DIS3L2: variants seen among roughly 807,000 people sequenced by gnomAD.
The protein encoded by DIS3L2 is DIS3 like 3'-5' exoribonuclease 2, also known as DIS3-like exonuclease 2.
A neutral mutation model predicts 97.5 loss-of-function variants in DIS3L2; 34 were observed. The ratio of observed to expected loss-of-function variants is 0.35; its 90% CI spans 0.27 to 0.46. The LOEUF is 0.46. Ranked by LOEUF, DIS3L2 falls within the 20% of genes least tolerant of loss-of-function variation. The probability of loss-of-function intolerance (pLI) is 1.00; values close to 1 mark genes in which losing one functional copy is unlikely to be tolerated. For synonymous variants in DIS3L2, 435 were observed against 445.2 expected (o/e 0.98, Z 0.29); for missense variants, 1,038 against 1,146.0 (o/e 0.91, Z 1.36).
intron 6 of DIS3L2, among the ~76,000 whole-genome samples, chr2:232,089,853 CT>C (rs1696784822): frequency 6.6e-6 from 1 of 152,154 alleles, no homozygotes; most frequent in South Asian, 2.1e-4. Flanking sequence ...TAACGGTTTA[CT>C]TTGCTGGCAT....
At chr2:232,157,944 C>T (rs908292134) in intron 8 of DIS3L2, among the ~76,000 whole-genome samples, 2 of 152,190 alleles carry the variant, frequency 1.3e-5, no homozygotes, top group Non-Finnish European at 2.9e-5. Context: ...TCATGGAGCA[C>T]AAATAGTTAT....
At chr2:232,136,400 C>A in intron 7 of DIS3L2, 72 bp from the exon 8 acceptor site, 1 of 1,561,140 alleles carries the variant, frequency 6.4e-7, no homozygotes, top group South Asian at 1.2e-5. Context: ...CAAATTATAA[C>A]CTGCTGACCT....
In DIS3L2 at chr2:232,333,932, G is replaced by A. The variant is rs766200831; in HGVS notation, c.2103G>A (p.Ser701=). The A allele has an allele frequency of 2.2e-5, 35 of 1,612,672 alleles. No individual in the cohort carries two copies. The highest frequency in any genetic ancestry group is 2.2e-5 in the Non-Finnish European group (26 of 1,179,912). The change falls in exon 17 of 21, where the codon TCG becomes TCA. Residue 701 remains serine, a synonymous_variant. Coordinates refer to ENST00000325385, the MANE Select transcript of DIS3L2 (RefSeq NM_152383.5). ...LNVPLYTHFT[S]PIRRFADVLV... ...TGCCCCTGTACACACACTTCACCTC[G>A]CCCATCCGCCGCTTTGCCGACGTCC...
intron 9 of DIS3L2, among the ~76,000 whole-genome samples, chr2:232,198,106 C>T (rs1691802699): frequency 6.6e-6 from 1 of 152,028 alleles, no homozygotes; most frequent in African/African-American, 2.4e-5. Context: ...GTTCTGTGAC[C>T]TTGGGCTTCT....
chr2:232,022,784 A>G (rs1199327436), intron 3 of DIS3L2, among the ~76,000 whole-genome samples: 4 of 152,178 alleles, frequency 2.6e-5, no homozygotes, highest in Non-Finnish European at 5.9e-5. Flanking sequence ...TCGTTAGGAA[A>G]TATTTGTTGA....
At position 232,335,841 on chromosome 2, in the gene DIS3L2, G is replaced by A. The variant is rs1465158382; in HGVS notation, c.2463G>A (p.Glu821=). 1.3e-6 allele frequency: 2 copies of A among 1,550,896 alleles called. No individual in the cohort carries two copies. Among genetic ancestry groups the A allele is most frequent in the Middle Eastern group, 1.7e-4 (1 of 5,900 alleles). ...AGCCGGAACTCACGCTGGTCTGGGA[G>A]CCTGAGGACATGGAGCAGGAGCCAG... The part of the protein sequence containing the change: ...GKKPELTLVW[E]PEDMEQEPAQ... The change falls in exon 20 of 21, where the codon GAG becomes GAA. Residue 821 remains glutamate, a synonymous_variant. Transcript: ENST00000325385.
intron 10 of DIS3L2, among the ~76,000 whole-genome samples, chr2:232,231,249 T>C (rs1692783844): frequency 6.6e-6 from 1 of 152,152 alleles, no homozygotes; most frequent in Admixed American, 6.5e-5. Flanking sequence ...TAGTAAGTAT[T>C]TGTTGTGTGG....
chr2:232,158,648 A>G (rs1690567338), intron 8 of DIS3L2, among the ~76,000 whole-genome samples: 1 of 151,988 alleles, frequency 6.6e-6, no homozygotes, highest in Admixed American at 6.6e-5. Context: ...GCCCTTTGAT[A>G]TCCTTTCAAG....
chr2:232,091,008 G>A (rs1696820229), intron 6 of DIS3L2, among the ~76,000 whole-genome samples: 1 of 152,156 alleles, frequency 6.6e-6, no homozygotes. Flanking sequence ...ACACAGGTCT[G>A]CATTATCCCC....
chr2:231,993,863 G>A (rs1693652662), intron 1 of DIS3L2, among the ~76,000 whole-genome samples: 2 of 150,420 alleles, frequency 1.3e-5, no homozygotes, highest in African/African-American at 4.9e-5. Context: ...CTATGTCAAT[G>A]ACAGGTTCTA....
At chr2:232,262,917 A>G (rs577519737) in intron 12 of DIS3L2, among the ~76,000 whole-genome samples, 5 of 152,196 alleles carry the variant, frequency 3.3e-5, no homozygotes, top group Non-Finnish European at 4.4e-5. Flanking sequence ...GAAACTAATG[A>G]AAAAGCCTCC....
At chr2:232,148,295 C>A (rs1190135133) in intron 8 of DIS3L2, among the ~76,000 whole-genome samples, 1 of 152,120 alleles carries the variant, frequency 6.6e-6, no homozygotes, top group Non-Finnish European at 1.5e-5. Flanking sequence ...GATCCACCCG[C>A]CTTGGCCTCC....
intron 5 of DIS3L2, among the ~76,000 whole-genome samples, chr2:232,085,171 A>C (rs1574862053): frequency 6.6e-6 from 1 of 152,220 alleles, no homozygotes; most frequent in South Asian, 2.1e-4. Context: ...TCCTCTAAGC[A>C]GTATTTCCTA....
Position 232,197,950 on chromosome 2 carries a change from G to A in DIS3L2, c.1125-12376G>A, listed in dbSNP as rs1214287238. Among the ~76,000 whole-genome samples, 14 of 151,090 alleles carry A rather than the reference G, an allele frequency of 9.3e-5. 1 individual carries two copies. The highest frequency in any genetic ancestry group is 4.4e-5 in the Non-Finnish European group (3 of 67,866). On this transcript the variant is annotated intron_variant, in intron 9 of 20. Coordinates refer to ENST00000325385, the MANE Select transcript of DIS3L2 (RefSeq NM_152383.5). ...ACTGCACTCCAGCCTGGGCGACAGA[G>A]TGAGACTCCATCTCATTAAAAAAAA... is the stretch of plus-strand genomic sequence containing the variant.
At chr2:232,284,962 C>CA (rs1399993460) in intron 13 of DIS3L2, among the ~76,000 whole-genome samples, 7 of 152,306 alleles carry the variant, frequency 4.6e-5, no homozygotes, top group African/African-American at 1.7e-4. Flanking sequence ...GAGACTTAGA[C>CA]AGGAGCCTTT....
At chr2:232,102,556 A>G (rs1307828078) in intron 6 of DIS3L2, among the ~76,000 whole-genome samples, 1 of 152,232 alleles carries the variant, frequency 6.6e-6, no homozygotes, top group East Asian at 1.9e-4. Context: ...AGAAAAAAGA[A>G]GAAACGAAAC....
At chr2:232,212,972 G>A (rs2106221309) in intron 10 of DIS3L2, among the ~76,000 whole-genome samples, 1 of 152,302 alleles carries the variant, frequency 6.6e-6, no homozygotes, top group Non-Finnish European at 1.5e-5. Flanking sequence ...GCTGGTTTGG[G>A]AGAGAGTATG....
Position 232,268,996 on chromosome 2 carries a change from C to G in DIS3L2, c.1659+5556C>G, listed in dbSNP as rs912982859. Among the ~76,000 whole-genome samples, 16 of 152,190 alleles carry G rather than the reference C, an allele frequency of 1.1e-4. No individual in the cohort carries two copies. Among genetic ancestry groups the G allele is most frequent in the African/African-American group, 3.9e-4 (16 of 41,434 alleles). ...TCCCTTATTCCATTTACAGGCAGGT[C>G]GCTTTAATTAGCCTGAAGCAAAAGG... On this transcript the variant is annotated intron_variant, in intron 13 of 20. Coordinates refer to ENST00000325385, the MANE Select transcript of DIS3L2 (RefSeq NM_152383.5). This position sits in a 1 kb window ranked among gnomAD's most constrained non-coding sequence, Gnocchi z 4.1.
intron 5 of DIS3L2, among the ~76,000 whole-genome samples, chr2:232,060,586 G>A (rs72989644): frequency 0.015 from 2,219 of 152,218 alleles, 22 homozygotes; most frequent in Non-Finnish European, 0.021. Flanking sequence ...AAGTCTGGTA[G>A]AATGTGACTT....
Sources: allele counts gnomAD v4.1 joint callset (sites outside exome capture counted in the v4.1 genomes callset), GRCh38; gene constraint gnomAD v4.1.1; non-coding constraint Gnocchi (gnomAD v3.1); transcripts MANE v1.5; gene names NCBI Gene and HGNC (gene_info 2026-07-23, HGNC 2026-07-21).